GSN: variants seen among roughly 807,000 people sequenced by gnomAD.
The protein encoded by GSN is gelsolin, also known as actin-depolymerizing factor.
In GSN, 56 loss-of-function variants were observed where a neutral mutation model predicts 85.7. The observed-to-expected ratio is 0.65, with a 90% confidence interval of 0.53 to 0.82. The LOEUF (loss-of-function observed/expected upper bound fraction) is 0.82. Among genes scored for constraint, GSN ranks in the 40% least tolerant of loss-of-function variants. The pLI is 0.00. For synonymous variants in GSN, 373 were observed against 399.1 expected (o/e 0.93, Z 0.78); for missense variants, 857 against 979.8 (o/e 0.87, Z 1.67).
intron 6 of GSN, among the ~76,000 whole-genome samples, chr9:121,259,755 C>G (rs934049176): frequency 6.6e-6 from 1 of 152,152 alleles, no homozygotes; most frequent in Non-Finnish European, 1.5e-5. Context: ...CAGAGCCTTT[C>G]GTGGGTCTCA....
chr9:121,254,466 C>T (rs1489294188), intron 6 of GSN, among the ~76,000 whole-genome samples: 2 of 152,188 alleles, frequency 1.3e-5, no homozygotes, highest in South Asian at 2.1e-4. Context: ...CTCCTGTCTC[C>T]GGGGTCCACC....
At position 121,329,110 on chromosome 9, in the gene GSN, G is replaced by T. The variant is rs2133935295; in HGVS notation, c.1887+95G>T. On this transcript the variant is annotated intron_variant, in intron 15 of 17. Transcript: ENST00000432226. The surrounding 1 kb of genome is among the most constrained non-coding windows in gnomAD (Gnocchi z 4.6). ...CAGGGGCAGGAGAAACAGTTCTGAT[G>T]GTGTGGCACAGAGGAAGGGGCCCCC... The T allele has an allele frequency of 6.4e-7, 1 of 1,556,974 alleles. No homozygotes were observed. Among genetic ancestry groups the T allele is most frequent in the Non-Finnish European group, 8.8e-7 (1 of 1,137,622 alleles).
chr9:121,283,627 C>G (rs972794237), intron 2 of GSN: 1 of 166,992 alleles, frequency 6.0e-6, no homozygotes, highest in African/African-American at 2.4e-5. Context: ...CCTCAGTGTT[C>G]CCTAGGATTC....
At position 121,318,079 on chromosome 9, in the gene GSN, A is replaced by G. The variant is rs1360916393; in HGVS notation, c.887-327A>G. ...ATCTCTCTAAGACCCTAGCTTCCTTATAGATACTCAGAAAAAGATAACAAC... is the reference window on the plus strand; with the variant it reads ...ATCTCTCTAAGACCCTAGCTTCCTTGTAGATACTCAGAAAAAGATAACAAC... On this transcript the variant is annotated intron_variant, in intron 8 of 17. Transcript: ENST00000432226. The surrounding 1 kb of genome is among the most constrained non-coding windows in gnomAD (Gnocchi z 4.3). Among the ~76,000 whole-genome samples, 2 of 152,234 alleles carry G rather than the reference A, an allele frequency of 1.3e-5. No homozygotes were observed. The highest frequency in any genetic ancestry group is 1.9e-4 in the East Asian group (1 of 5,196).
At chr9:121,207,171 G>A (rs2053895196), upstream of GSN, among the ~76,000 whole-genome samples, 1 of 152,220 alleles carries the variant, frequency 6.6e-6, no homozygotes, top group Non-Finnish European at 1.5e-5. Context: ...TGATGAAGGT[G>A]CTGTTGAGAA....
chr9:121,227,323 G>T (rs948284163), intron 4 of GSN, among the ~76,000 whole-genome samples: 1 of 152,036 alleles, frequency 6.6e-6, no homozygotes, highest in African/African-American at 2.4e-5. Flanking sequence ...GAACCCAGGA[G>T]GCGGAGGTTG....
At chr9:121,239,733 TAATACCCAACAA>T in intron 5 of GSN, 1 of 298,180 alleles carries the variant, frequency 3.4e-6, no homozygotes, top group South Asian at 3.7e-5. Context: ...CCGATCCAAC[TAATACCCAACAA>T]AGCATATCCT....
chr9:121,235,380 C>A (rs2054473096), intron 5 of GSN, among the ~76,000 whole-genome samples: 1 of 152,200 alleles, frequency 6.6e-6, no homozygotes, highest in Admixed American at 6.5e-5. Flanking sequence ...TTCAGCTTGT[C>A]CAAAGTCCCA....
At chr9:121,252,736 A>G (rs1564359387) in intron 6 of GSN, among the ~76,000 whole-genome samples, 1 of 152,190 alleles carries the variant, frequency 6.6e-6, no homozygotes, top group Non-Finnish European at 1.5e-5. Context: ...GAGCACATGC[A>G]TTGGATATGT....
intron 1 of GSN, among the ~76,000 whole-genome samples, chr9:121,272,952 A>T (rs2056187780): frequency 6.6e-6 from 1 of 152,096 alleles, no homozygotes; most frequent in Non-Finnish European, 1.5e-5. Context: ...GCCCACACAC[A>T]GCCTGTCAGG....
At chr9:121,203,808 T>C (rs1392500041), upstream of GSN, among the ~76,000 whole-genome samples, 1 of 152,248 alleles carries the variant, frequency 6.6e-6, no homozygotes, top group Non-Finnish European at 1.5e-5. Context: ...TTAAATGGGA[T>C]AGTATATGCA....
chr9:121,218,333 T>G (rs2054105244), intron 4 of GSN, among the ~76,000 whole-genome samples: 1 of 152,142 alleles, frequency 6.6e-6, no homozygotes, highest in Non-Finnish European at 1.5e-5. Context: ...AAGAGGAAGC[T>G]TTTAAGAGAA....
At position 121,299,897 on chromosome 9, in the gene GSN, C is replaced by T. The variant is rs928244956; in HGVS notation, c.-9-2066C>T. On this transcript the variant is annotated intron_variant, in intron 2 of 17. Transcript: ENST00000432226. The surrounding 1 kb of genome is among the most constrained non-coding windows in gnomAD (Gnocchi z 4.2). ...ACCGCCCCGCGCCCGCGCTGCTTTG[C>T]GCGCTGTCCCTGGCGCTGTGCGCGC... is the stretch of plus-strand genomic sequence containing the variant. 2 of 1,313,640 alleles carry T rather than the reference C, an allele frequency of 1.5e-6. No individual in the cohort carries two copies. The highest frequency in any genetic ancestry group is 1.5e-5 in the African/African-American group (1 of 64,842). 81.4% of individuals were successfully genotyped at this position (1,313,640 alleles called of 1,614,324 possible).
chr9:121,262,766 T>C (rs2055113848), intron 6 of GSN, among the ~76,000 whole-genome samples: 1 of 152,220 alleles, frequency 6.6e-6, no homozygotes, highest in African/African-American at 2.4e-5. Context: ...ATTAAAATAG[T>C]GGGACAAACA....
At chr9:121,323,471 G>C (rs921176710) in intron 11 of GSN, among the ~76,000 whole-genome samples, 2 of 148,464 alleles carry the variant, frequency 1.3e-5, no homozygotes, top group South Asian at 2.2e-4. Context: ...CCAGGTTCAA[G>C]CAATTCTCCT....
intron 2 of GSN, chr9:121,282,773 C>T (rs2132635399): frequency 7.4e-6 from 3 of 403,064 alleles, no homozygotes; most frequent in Middle Eastern, 1.3e-3. Context: ...ACTCCAAAAG[C>T]CAAGTTGCCT....
chr9:121,254,053 G>A (rs574666110), intron 6 of GSN, among the ~76,000 whole-genome samples: 4 of 151,924 alleles, frequency 2.6e-5, no homozygotes, highest in East Asian at 1.9e-4. Context: ...CTGTTCTCTC[G>A]TTCTTTAGCA....
At position 121,237,526 on chromosome 9, in the gene GSN, G is replaced by A. The variant is rs78415114; in HGVS notation, c.-389+6223G>A. Among the ~76,000 whole-genome samples the A allele has an allele frequency of 5.1e-3, 778 of 152,262 alleles. 45 individuals carry two copies. In the East Asian group the frequency reaches 0.12, roughly 23 times the overall value. On this transcript the variant is annotated intron_variant, in intron 5 of 24. Coordinates refer to the GSN transcript ENST00000373823. ...TGCTCACACCACGGTACTCCAGCCTGAGCGACAGAGCAAGACTCTGCCTCA... is the reference window on the plus strand; with the variant it reads ...TGCTCACACCACGGTACTCCAGCCTAAGCGACAGAGCAAGACTCTGCCTCA...
intron 6 of GSN, among the ~76,000 whole-genome samples, chr9:121,255,277 T>C (rs1417548101): frequency 3.3e-5 from 5 of 152,314 alleles, no homozygotes; most frequent in African/African-American, 1.2e-4. Context: ...AGGGTCTCGC[T>C]ATGTCACCCA....
Sources: gnomAD v4.1 joint callset for allele counts (sites outside exome capture counted in the v4.1 genomes callset) on GRCh38, gnomAD v4.1.1 for gene constraint, Gnocchi (gnomAD v3.1) non-coding constraint, MANE v1.5 for transcripts, NCBI Gene and HGNC (gene_info 2026-07-23, HGNC 2026-07-21) for gene names.